Variants in HMG20A observed in about 807,000 individuals in gnomAD.
HMG20A encodes the protein high mobility group protein 20A.
In HMG20A, 17 loss-of-function variants were observed where a neutral mutation model predicts 43.9. That is an observed-to-expected ratio of 0.39 (90% CI 0.27 to 0.58). The LOEUF is 0.58. Ranked by LOEUF, HMG20A falls within the 20% of genes least tolerant of loss-of-function variation. HMG20A has a pLI of 0.59. For missense variants in HMG20A, 341 were observed against 438.2 expected (o/e 0.78, Z 1.98); for synonymous variants, 132 against 147.5 (o/e 0.89, Z 0.76).
At chr15:77,476,541 CA>C (rs1319604087) in intron 6 of HMG20A, among the ~76,000 whole-genome samples, 1 of 130,390 alleles carries the variant, frequency 7.7e-6, no homozygotes, top group African/African-American at 2.9e-5. Flanking sequence ...AGGAAAGATA[CA>C]TTCTGTCTAG....
intron 1 of HMG20A, among the ~76,000 whole-genome samples, chr15:77,441,668 T>C (rs1280939411): frequency 6.6e-6 from 1 of 152,198 alleles, no homozygotes; most frequent in Non-Finnish European, 1.5e-5. Context: ...CAGCATATCA[T>C]CCTTTATCAA....
the HMG20A span, among the ~76,000 whole-genome samples, chr15:77,494,250 C>A: frequency 2.0e-5 from 3 of 152,162 alleles, no homozygotes; most frequent in African/African-American, 4.8e-5. Context: ...CCACCTCAGT[C>A]TCCCAAGTAG....
At chr15:77,485,698 C>G (rs1413621117), downstream of HMG20A, 1 of 152,236 alleles carries the variant, frequency 6.6e-6, no homozygotes, top group Non-Finnish European at 1.5e-5. Flanking sequence ...CTTTGGAAGG[C>G]CAAGGCAGGC....
the HMG20A span, among the ~76,000 whole-genome samples, chr15:77,504,707 C>T: frequency 6.6e-6 from 1 of 152,144 alleles, no homozygotes; most frequent in East Asian, 1.9e-4. Flanking sequence ...GAAAGATGGG[C>T]TTCTGTTGGA....
At chr15:77,495,629 T>A in the HMG20A span, among the ~76,000 whole-genome samples, 3 of 152,084 alleles carry the variant, frequency 2.0e-5, no homozygotes, top group African/African-American at 7.2e-5. Flanking sequence ...AGGAGTTAGA[T>A]AGAGTGTCCC....
At chr15:77,450,758 T>G (rs1307766947) in intron 1 of HMG20A, among the ~76,000 whole-genome samples, 1 of 152,214 alleles carries the variant, frequency 6.6e-6, no homozygotes, top group East Asian at 1.9e-4. Flanking sequence ...GTGCCAGTGT[T>G]TTTATTGTGA....
the HMG20A span, among the ~76,000 whole-genome samples, chr15:77,490,612 C>T: frequency 1.3e-5 from 2 of 152,152 alleles, no homozygotes; most frequent in Non-Finnish European, 2.9e-5. Flanking sequence ...TTCTTGAGCC[C>T]AGGAGTTCAA....
At chr15:77,440,381 C>A (rs1016254504) in intron 1 of HMG20A, among the ~76,000 whole-genome samples, 1 of 151,992 alleles carries the variant, frequency 6.6e-6, no homozygotes, top group Admixed American at 6.6e-5. Context: ...CTGTTTTCTC[C>A]CATAATTTAT....
the HMG20A span, among the ~76,000 whole-genome samples, chr15:77,496,397 ACAG>A: frequency 6.6e-6 from 1 of 152,212 alleles, no homozygotes; most frequent in African/African-American, 2.4e-5. Context: ...CAGCCTCAGA[ACAG>A]CAACCAGGCC....
chr15:77,519,812 G>A, the HMG20A span, among the ~76,000 whole-genome samples: 1 of 152,346 alleles, frequency 6.6e-6, no homozygotes, highest in South Asian at 2.1e-4. Context: ...GCAGGGTAAG[G>A]TCTTCTGATT....
intron 2 of HMG20A, among the ~76,000 whole-genome samples, chr15:77,463,403 C>A (rs767363592): frequency 1.3e-5 from 2 of 152,156 alleles, no homozygotes; most frequent in African/African-American, 2.4e-5. Flanking sequence ...TGCATTCTTT[C>A]AGAATAATGA....
Sources: allele counts gnomAD v4.1 joint callset (sites outside exome capture counted in the v4.1 genomes callset), GRCh38; gene constraint gnomAD v4.1.1; transcripts MANE v1.5; gene names NCBI Gene and HGNC (gene_info 2026-07-23, HGNC 2026-07-21).